The following CADPS2 variants were observed in gnomAD, a reference collection of about 807,000 sequenced individuals.
The protein encoded by CADPS2 is calcium-dependent secretion activator 2.
A neutral mutation model predicts 172.5 loss-of-function variants in CADPS2; 93 were observed. That is an observed-to-expected ratio of 0.54 (90% CI 0.46 to 0.64). The LOEUF is 0.64. CADPS2 is among the 30% of genes least tolerant of loss of function. CADPS2 has a pLI of 0.00. For missense variants in CADPS2, 1,420 were observed against 1,565.9 expected, an observed-to-expected ratio of 0.91 and a Z score of 1.57; for synonymous variants, 546 against 555.2, an observed-to-expected ratio of 0.98 and a Z score of 0.23.
At chr7:122,549,016 T>G (rs981264559) in intron 8 of CADPS2, among the ~76,000 whole-genome samples, 1 of 152,192 alleles carries the variant, frequency 6.6e-6, no homozygotes, top group Non-Finnish European at 1.5e-5. Context: ...CTCAATGAAT[T>G]AATGATGATT....
intron 3 of CADPS2, among the ~76,000 whole-genome samples, chr7:122,634,548 G>A (rs897031936): frequency 1.3e-5 from 2 of 151,918 alleles, no homozygotes; most frequent in Admixed American, 6.6e-5. Context: ...GGTTACACTT[G>A]TACGTATCCT....
intron 19 of CADPS2, 151 bp from the exon 20 acceptor site, chr7:122,407,847 ATTTTATAGGTACAC>A: frequency 2.9e-6 from 2 of 678,286 alleles, no homozygotes; most frequent in East Asian, 2.7e-5. Flanking sequence ...CCTGAGAAAA[ATTTTATAGGTACAC>A]ATTAAAATCA....
chr7:122,721,005 G>A (rs2090330718), intron 2 of CADPS2, among the ~76,000 whole-genome samples: 1 of 152,014 alleles, frequency 6.6e-6, no homozygotes, highest in Non-Finnish European at 1.5e-5. Flanking sequence ...AGAGCTTCAT[G>A]AGAAATTCAT....
Position 122,393,477 on chromosome 7 carries a change from T to C in CADPS2, c.2852A>G (p.His951Arg), listed in dbSNP as rs781621977. 6.2e-7 allele frequency: 1 copy of C among 1,613,884 alleles called. No homozygotes were observed. The highest frequency in any genetic ancestry group is 8.5e-7 in the Non-Finnish European group (1 of 1,179,822). Reference sequence around the variant, plus strand: ...CCATGTCTCCTGCTCAAAACCTCTGTGAATTGACTGGGCGATGGAAGACTC... The same window carrying C: ...CCATGTCTCCTGCTCAAAACCTCTGCGAATTGACTGGGCGATGGAAGACTC... ...LMESSIAQSI[H>R]RGFEQETWQP... The change falls in exon 21 of 30, where the codon CAC becomes CGC. Residue 951 changes from histidine (H) to arginine (R), a missense_variant. By Grantham distance (29) the His-to-Arg change is conservative (BLOSUM62 0). Transcript: ENST00000449022.
At chr7:122,526,110 G>A (rs1259729286) in intron 8 of CADPS2, among the ~76,000 whole-genome samples, 1 of 152,094 alleles carries the variant, frequency 6.6e-6, no homozygotes, top group Non-Finnish European at 1.5e-5. Context: ...TTCTTGACGT[G>A]TTAGTTGGTC....
intron 2 of CADPS2, among the ~76,000 whole-genome samples, chr7:122,734,162 C>T (rs1265052979): frequency 6.6e-6 from 1 of 150,968 alleles, no homozygotes; most frequent in Non-Finnish European, 1.5e-5. Flanking sequence ...TTGGACAAGT[C>T]ACTTAACTTC....
intron 7 of CADPS2, among the ~76,000 whole-genome samples, chr7:122,580,436 G>A (rs1000126654): frequency 1.4e-5 from 2 of 139,458 alleles, no homozygotes; most frequent in Non-Finnish European, 3.0e-5. Flanking sequence ...CTGGGCAACA[G>A]AGCAAGATTC....
intron 14 of CADPS2, among the ~76,000 whole-genome samples, chr7:122,462,105 G>A (rs2054525296): frequency 6.6e-6 from 1 of 152,036 alleles, no homozygotes; most frequent in African/African-American, 2.4e-5. Context: ...TCAGAAAAAA[G>A]GAAAATTGTT....
chr7:122,362,536 A>C (rs1163748304), intron 25 of CADPS2, among the ~76,000 whole-genome samples: 1 of 152,226 alleles, frequency 6.6e-6, no homozygotes, highest in Non-Finnish European at 1.5e-5. Flanking sequence ...AAAAATGTGA[A>C]GCATTTTACT....
intron 5 of CADPS2, among the ~76,000 whole-genome samples, chr7:122,618,642 T>C (rs1197338541): frequency 6.6e-6 from 1 of 152,192 alleles, no homozygotes; most frequent in African/African-American, 2.4e-5. Context: ...GCCTGACTAA[T>C]GAAATGTGTG....
At chr7:122,336,414 T>C (rs1425621424) in intron 28 of CADPS2, among the ~76,000 whole-genome samples, 2 of 152,230 alleles carry the variant, frequency 1.3e-5, no homozygotes, top group Non-Finnish European at 2.9e-5. Flanking sequence ...GATCAACTGA[T>C]AGAAATGCTG....
chr7:122,610,343 A>G (rs749307106), intron 6 of CADPS2, among the ~76,000 whole-genome samples: 13 of 152,096 alleles, frequency 8.5e-5, no homozygotes, highest in Non-Finnish European at 1.5e-4. Context: ...GTGTTAAAAT[A>G]ACGTAACTTC....
chr7:122,708,280 C>T (rs935480438), intron 2 of CADPS2, among the ~76,000 whole-genome samples: 3 of 151,380 alleles, frequency 2.0e-5, no homozygotes, highest in Admixed American at 1.3e-4. Context: ...AAATTGATAG[C>T]GTCATTATCC....
intron 7 of CADPS2, among the ~76,000 whole-genome samples, chr7:122,571,110 A>C (rs1203442767): frequency 6.6e-6 from 1 of 152,162 alleles, no homozygotes; most frequent in African/African-American, 2.4e-5. Context: ...TCACACTCTC[A>C]TAAAGAAGGT....
At chr7:122,461,398 A>G (rs973092891) in intron 14 of CADPS2, among the ~76,000 whole-genome samples, 13 of 152,214 alleles carry the variant, frequency 8.5e-5, no homozygotes, top group Non-Finnish European at 1.8e-4. Context: ...CCTATACAAT[A>G]TCATGGCAGG....
chr7:122,476,109 G>A (rs1278795023), intron 12 of CADPS2, among the ~76,000 whole-genome samples: 1 of 151,980 alleles, frequency 6.6e-6, no homozygotes, highest in Non-Finnish European at 1.5e-5. Context: ...AAAATTGGAA[G>A]ATTCTTTTGT....
At chr7:122,797,371 C>T (rs117083436) in intron 1 of CADPS2, among the ~76,000 whole-genome samples, 3 of 152,114 alleles carry the variant, frequency 2.0e-5, no homozygotes, top group Non-Finnish European at 4.4e-5. Flanking sequence ...GAATATAAAT[C>T]ATTCTATTAA....
Position 122,640,324 on chromosome 7 carries a change from TGTGTACATTACA to T in CADPS2, c.787-11008_787-10997del, listed in dbSNP as rs528985866. On this transcript the variant is annotated intron_variant, in intron 3 of 29. Coordinates refer to ENST00000449022, the MANE Select transcript of CADPS2 (RefSeq NM_017954.11). ...CACCCCCTCTCTTTCTTTGGGTGTG[TGTGTACATTACA>T]GTGTTTCTCTAGCCACTTCAAAGCA... is the stretch of plus-strand genomic sequence containing the variant. Among the ~76,000 whole-genome samples the T allele has an allele frequency of 2.8e-3, 424 of 152,258 alleles. 2 individuals are homozygous for T. The highest frequency in any genetic ancestry group is 4.5e-3 in the Non-Finnish European group (306 of 68,014).
Position 122,322,523 on chromosome 7 carries a change from C to T in CADPS2, c.3718-2185G>A, listed in dbSNP as rs965095513. ...GTTGGCTCTTGCTTAAGACAAGTGC[C>T]TGCCACAGAGTTCTGTTCACTTTTT... is the stretch of plus-strand genomic sequence containing the variant. On this transcript the variant is annotated intron_variant, in intron 29 of 29. Coordinates refer to ENST00000449022, the MANE Select transcript of CADPS2 (RefSeq NM_017954.11). Among the ~76,000 whole-genome samples, 4 of 152,170 alleles carry T rather than the reference C, an allele frequency of 2.6e-5. No individual in the cohort carries two copies. In the South Asian group the frequency reaches 6.2e-4, roughly 24 times the overall value.
Sources: allele counts gnomAD v4.1 joint callset (sites outside exome capture counted in the v4.1 genomes callset), GRCh38; gene constraint gnomAD v4.1.1; transcripts MANE v1.5; gene names NCBI Gene and HGNC (gene_info 2026-07-23, HGNC 2026-07-21).